DAB1: variants seen among roughly 807,000 people sequenced by gnomAD.
DAB1 encodes disabled homolog 1.
Under a neutral mutation model 64.6 loss-of-function variants are expected in DAB1, and 15 were observed. The observed-to-expected ratio is 0.23, with a 90% CI of 0.16 to 0.36. The LOEUF (loss-of-function observed/expected upper bound fraction) is 0.36. DAB1 is among the 10% of genes least tolerant of loss of function. DAB1 has a pLI of 1.00. For missense variants in DAB1, 596 were observed against 706.7 expected (o/e 0.84, Z 1.78); for synonymous variants, 235 against 251.9 (o/e 0.93, Z 0.64).
At chr1:57,767,674 T>C (rs1649375677) in intron 6 of DAB1, among the ~76,000 whole-genome samples, 1 of 152,118 alleles carries the variant, frequency 6.6e-6, no homozygotes, top group African/African-American at 2.4e-5. Flanking sequence ...AAATAATTAA[T>C]GAATGAAAGA....
intron 5 of DAB1, among the ~76,000 whole-genome samples, chr1:57,930,579 T>C (rs1470708746): frequency 2.0e-5 from 3 of 152,232 alleles, no homozygotes; most frequent in Admixed American, 6.5e-5. Flanking sequence ...TTTTCTTATA[T>C]AGATTTTGTT....
intron 4 of DAB1, among the ~76,000 whole-genome samples, chr1:58,331,325 T>C (rs1557733171): frequency 6.6e-6 from 1 of 152,148 alleles, no homozygotes; most frequent in Non-Finnish European, 1.5e-5. Context: ...CTTCTTGTGG[T>C]TTCTTGAGAC....
chr1:57,411,415 C>G (rs1018244364), intron 1 of DAB1, among the ~76,000 whole-genome samples: 3 of 152,210 alleles, frequency 2.0e-5, no homozygotes, highest in Non-Finnish European at 2.9e-5. Flanking sequence ...AAAAGTCAAG[C>G]TAGAACTGGG....
At chr1:57,915,281 A>T (rs1457946949) in intron 5 of DAB1, among the ~76,000 whole-genome samples, 1 of 152,208 alleles carries the variant, frequency 6.6e-6, no homozygotes, top group East Asian at 1.9e-4. Context: ...GATAATAAGC[A>T]TGTATTTTAT....
chr1:57,301,890 G>A (rs1001842691), intron 1 of DAB1, among the ~76,000 whole-genome samples: 1 of 152,128 alleles, frequency 6.6e-6, no homozygotes, highest in East Asian at 1.9e-4. Context: ...GGACCCACTC[G>A]AGGTCCCTTC....
chr1:57,968,128 A>G (rs1301723309), intron 5 of DAB1, among the ~76,000 whole-genome samples: 1 of 151,964 alleles, frequency 6.6e-6, no homozygotes, highest in Non-Finnish European at 1.5e-5. Context: ...ATCTTTAACA[A>G]CAGAAAGTGT....
intron 6 of DAB1, among the ~76,000 whole-genome samples, chr1:57,777,876 C>A (rs1264250264): frequency 6.6e-6 from 1 of 151,966 alleles, no homozygotes; most frequent in Non-Finnish European, 1.5e-5. Flanking sequence ...TTACTGAATT[C>A]TAGATTATGT....
At chr1:57,007,371 C>A (rs1349658408) in intron 14 of DAB1, among the ~76,000 whole-genome samples, 11 of 152,148 alleles carry the variant, frequency 7.2e-5, no homozygotes, top group Non-Finnish European at 5.9e-5. Flanking sequence ...ATTTCGTCCT[C>A]AAAATTGCTC....
intron 12 of DAB1, among the ~76,000 whole-genome samples, chr1:57,013,467 C>A (rs951752701): frequency 1.4e-4 from 22 of 152,324 alleles, no homozygotes; most frequent in South Asian, 4.1e-4. Flanking sequence ...CTCATTGAAA[C>A]CCTGTGAGTC....
At chr1:57,789,041 T>G (rs1054032905) in intron 6 of DAB1, among the ~76,000 whole-genome samples, 4 of 152,024 alleles carry the variant, frequency 2.6e-5, no homozygotes, top group African/African-American at 7.2e-5. Flanking sequence ...ACAAAAATCT[T>G]GGAGAAGAGG....
At chr1:58,313,528 G>A (rs1304818335) in intron 4 of DAB1, among the ~76,000 whole-genome samples, 1 of 152,130 alleles carries the variant, frequency 6.6e-6, no homozygotes, top group Non-Finnish European at 1.5e-5. Context: ...TCATCCAGAA[G>A]CCAGAGGATA....
At chr1:57,274,791 AG>A (rs1671324303) in intron 2 of DAB1, among the ~76,000 whole-genome samples, 1 of 152,082 alleles carries the variant, frequency 6.6e-6, no homozygotes, top group South Asian at 2.1e-4. Context: ...CATGTTGGCC[AG>A]GCTGGTCTCG....
In DAB1 at chr1:57,640,022, G is replaced by A. The variant is rs902272996; in HGVS notation, n.625+9570C>T. 2.0e-5 allele frequency among the ~76,000 whole-genome samples: 3 copies of A among 152,144 alleles called. No homozygotes were observed. The South Asian group carries it at 6.2e-4, about 32-fold the overall frequency. The stretch of plus-strand genomic sequence containing the variant: ...GAAGTTGGAAGCTCTTGGTTTCAGC[G>A]GTTCCATCAAAGGCCACAGTCTGCA... On this transcript the variant is annotated intron_variant and non_coding_transcript_variant, in intron 7 of 20. Transcript: ENST00000485760.
chr1:57,419,765 A>G (rs932369722), intron 1 of DAB1, among the ~76,000 whole-genome samples: 1 of 152,270 alleles, frequency 6.6e-6, no homozygotes, highest in Admixed American at 6.5e-5. Context: ...AAAGAAAACT[A>G]TAAAGCACAG....
At chr1:57,159,061 A>G (rs1660497307) in intron 2 of DAB1, among the ~76,000 whole-genome samples, 2 of 152,160 alleles carry the variant, frequency 1.3e-5, no homozygotes, top group Admixed American at 1.3e-4. Flanking sequence ...GGAACCACTG[A>G]GTTATAAGAC....
chr1:57,116,773 G>C (rs1656175249), intron 4 of DAB1, among the ~76,000 whole-genome samples: 1 of 152,130 alleles, frequency 6.6e-6, no homozygotes, highest in South Asian at 2.1e-4. Context: ...GAATCTACTA[G>C]GATACCTGCC....
In DAB1 at chr1:58,537,690, C is replaced by A. The variant is rs932911665; in HGVS notation, n.32+9013G>T. Among the ~76,000 whole-genome samples the A allele has an allele frequency of 1.8e-4, 28 of 152,136 alleles. 1 individual carries two copies. Among genetic ancestry groups the A allele is most frequent in the Admixed American group, 1.4e-3 (22 of 15,264 alleles). ...ATTCTCTTGACAAAAATTTATTTTA[C>A]AAATTCTTAAAGTTCTCTTTGTGAA... On this transcript the variant is annotated intron_variant and non_coding_transcript_variant, in intron 1 of 20. Transcript: ENST00000485760.
chr1:57,861,087 G>A (rs1208908609), intron 1 of DAB1: 1 of 152,268 alleles, frequency 6.6e-6, no homozygotes, highest in Non-Finnish European at 1.5e-5. Flanking sequence ...GGGTGGGGGA[G>A]GCAAGAGAAT....
intron 7 of DAB1, among the ~76,000 whole-genome samples, chr1:57,498,065 A>C (rs1365704966): frequency 6.6e-6 from 1 of 152,196 alleles, no homozygotes; most frequent in Non-Finnish European, 1.5e-5. Context: ...TCTTAGAGTT[A>C]GAATGTGCAG....
Sources: allele counts gnomAD v4.1 joint callset (sites outside exome capture counted in the v4.1 genomes callset), GRCh38; gene constraint gnomAD v4.1.1; transcripts MANE v1.5; gene names NCBI Gene and HGNC (gene_info 2026-07-23, HGNC 2026-07-21).